LRRC56: variants seen among roughly 807,000 people sequenced by gnomAD.
The protein encoded by LRRC56 is leucine-rich repeat-containing protein 56.
LRRC56 carries 41 observed loss-of-function variants against 47.8 expected under a neutral mutation model. That is an observed-to-expected ratio of 0.86 (90% CI 0.67 to 1.11). The LOEUF (loss-of-function observed/expected upper bound fraction) is 1.11. LRRC56 is among the 50% of genes most tolerant of loss of function. LRRC56 has a pLI of 0.00. For synonymous variants in LRRC56, 387 were observed against 311.2 expected (o/e 1.24, Z -2.56); for missense variants, 759 against 704.2 (o/e 1.08, Z -0.88).
chr11:533,190 G>A (rs957632942), upstream of LRRC56: 18 of 1,225,820 alleles, frequency 1.5e-5, no homozygotes, highest in Admixed American at 1.2e-4. Flanking sequence ...CGCCTTCCCC[G>A]GAGCTGTGTC....
chr11:542,922 G>A (rs1433418458), intron 5 of LRRC56, among the ~76,000 whole-genome samples: 1 of 151,700 alleles, frequency 6.6e-6, no homozygotes, highest in East Asian at 1.9e-4. Context: ...TTGAGATGGA[G>A]TCTCATTCTG....
At chr11:542,589 A>AAAAAAAAAAGAAAAAAAAAAG (rs1851851979) in intron 5 of LRRC56, among the ~76,000 whole-genome samples, 1 of 148,512 alleles carries the variant, frequency 6.7e-6, no homozygotes, top group Non-Finnish European at 1.5e-5. Context: ...GCAAAAAAAA[A>AAAAAAAAAAGAAAAAAAAAAG]AAAAAAAAAA....
the LRRC56 span, among the ~76,000 whole-genome samples, chr11:521,585 G>T: frequency 1.3e-5 from 2 of 152,264 alleles, no homozygotes; most frequent in South Asian, 4.1e-4. Context: ...TAGGATTATA[G>T]GTGTGAGCCC....
intron 1 of LRRC56, among the ~76,000 whole-genome samples, chr11:538,356 G>A (rs1160579506): frequency 1.3e-5 from 2 of 152,230 alleles, no homozygotes; most frequent in African/African-American, 4.8e-5. Context: ...TGGGATGGAG[G>A]TGGCCAGAGT....
At chr11:509,863 C>G in the LRRC56 span, among the ~76,000 whole-genome samples, 3 of 152,022 alleles carry the variant, frequency 2.0e-5, no homozygotes, top group Non-Finnish European at 4.4e-5. Context: ...ACTTACCTGC[C>G]TCACCTCGTT....
At chr11:513,138 G>C in the LRRC56 span, among the ~76,000 whole-genome samples, 1 of 152,226 alleles carries the variant, frequency 6.6e-6, no homozygotes, top group Admixed American at 6.5e-5. Context: ...GCTTCAAGCT[G>C]TTTTGTTTTG....
At chr11:538,325 G>A (rs1851622065) in intron 1 of LRRC56, among the ~76,000 whole-genome samples, 1 of 152,196 alleles carries the variant, frequency 6.6e-6, no homozygotes, top group Non-Finnish European at 1.5e-5. Context: ...CGCCCTCCAT[G>A]AGGCTCGAGG....
At chr11:547,772 C>T (rs1564803191) in intron 6 of LRRC56, among the ~76,000 whole-genome samples, 1 of 152,136 alleles carries the variant, frequency 6.6e-6, no homozygotes, top group Non-Finnish European at 1.5e-5. Context: ...AAATATGATG[C>T]ACTACCTGTA....
chr11:544,575 C>A, intron 5 of LRRC56, 145 bp from the exon 6 acceptor site: 1 of 807,164 alleles, frequency 1.2e-6, no homozygotes, highest in South Asian at 1.5e-5. Context: ...TGCCACGTAA[C>A]CCCTCCTGTG....
the LRRC56 span, chr11:532,355 A>G: frequency 1.8e-6 from 1 of 558,024 alleles, no homozygotes; most frequent in Non-Finnish European, 3.2e-6. Flanking sequence ...TGTTCAAGAC[A>G]GTCTGTGCAC....
At chr11:525,924 G>A in the LRRC56 span, among the ~76,000 whole-genome samples, 6 of 151,542 alleles carry the variant, frequency 4.0e-5, no homozygotes, top group Admixed American at 1.3e-4. Context: ...GGCCAGGCGC[G>A]GTGGCTCACA....
rs187379100 is a variant in LRRC56 at position 548,358 on chromosome 11, A to G, written c.327-1544A>G. 1.8e-4 allele frequency among the ~76,000 whole-genome samples: 27 copies of G among 152,092 alleles called. No individual in the cohort carries two copies. In the East Asian group the frequency reaches 4.8e-3, roughly 27 times the overall value. ...TGCAGTGGTGCGACCATGGCTTACAATAGCCTCGACCTCCTGGGCTCAGGT... is the reference window on the plus strand; with the variant it reads ...TGCAGTGGTGCGACCATGGCTTACAGTAGCCTCGACCTCCTGGGCTCAGGT... On this transcript the variant is annotated intron_variant, in intron 6 of 13. Coordinates refer to ENST00000270115, the MANE Select transcript of LRRC56 (RefSeq NM_198075.4).
At chr11:535,724 G>A (rs912942357), upstream of LRRC56, among the ~76,000 whole-genome samples, 2 of 152,142 alleles carry the variant, frequency 1.3e-5, no homozygotes, top group Admixed American at 1.3e-4. Context: ...AACGCGGGAG[G>A]CGGAGCCAGT....
the LRRC56 span, among the ~76,000 whole-genome samples, chr11:512,570 G>T: frequency 6.6e-6 from 1 of 152,160 alleles, no homozygotes; most frequent in Non-Finnish European, 1.5e-5. Flanking sequence ...TTTACATGGT[G>T]CGAGGAAAGG....
At chr11:536,945 A>G (rs957480633), upstream of LRRC56, 2 of 152,144 alleles carry the variant, frequency 1.3e-5, no homozygotes, top group African/African-American at 2.4e-5. Context: ...GCGGACACGC[A>G]TGAACGCGAG....
At chr11:507,921 A>G in the LRRC56 span, among the ~76,000 whole-genome samples, 1 of 151,878 alleles carries the variant, frequency 6.6e-6, no homozygotes, top group African/African-American at 2.4e-5. Flanking sequence ...TCCTGCGTCC[A>G]CTCTGCTGCC....
rs778991941 is a variant in LRRC56, at chr11:550,095, C to T, written c.447C>T (p.Asn149=). 6.2e-7 allele frequency: 1 copy of T among 1,612,836 alleles called. No individual in the cohort carries two copies. Among genetic ancestry groups the T allele is most frequent in the South Asian group, 1.1e-5 (1 of 91,002 alleles). ...ALKELYASYN[N]ISDLSPLCLL... ...AGGAACTCTACGCCTCCTACAACAACATCTCGGACCTGAGCCCACTGTGCC... is the reference window on the plus strand; with the variant it reads ...AGGAACTCTACGCCTCCTACAACAATATCTCGGACCTGAGCCCACTGTGCC... Residue 149 remains asparagine, a synonymous_variant, in exon 8 of 14, where the codon AAC becomes AAT. Coordinates refer to ENST00000270115, the MANE Select transcript of LRRC56 (RefSeq NM_198075.4).
chr11:554,178 C>T lies in LRRC56; in HGVS notation c.1531C>T (p.Arg511Ter), dbSNP rs1395733477. The T allele has an allele frequency of 1.1e-5, 18 of 1,577,168 alleles. No individual in the cohort carries two copies. The highest frequency in any genetic ancestry group is 1.8e-5 in the Admixed American group (1 of 56,980). The change falls in exon 14 of 14, where the codon CGA becomes TGA. Residue 511 changes from arginine to a stop codon, truncating the protein, a stop_gained. Coordinates refer to ENST00000270115, the MANE Select transcript of LRRC56 (RefSeq NM_198075.4). LOFTEE classifies it low-confidence loss of function (END_TRUNC). ...GGAGGTGGCCTCACGCCTGAGCCCT[C>T]GAGCCCAGGGATGTCCTGGCCCAAA... The part of the protein sequence containing the change: ...ALEVASRLSP[R>*]AQGCPGPKPA...
At chr11:524,693 G>A in the LRRC56 span, among the ~76,000 whole-genome samples, 69 of 152,204 alleles carry the variant, frequency 4.5e-4, no homozygotes, top group African/African-American at 1.6e-3. Flanking sequence ...TTTTCAACAA[G>A]CAGTGTGGGA....
Sources: allele counts gnomAD v4.1 joint callset (sites outside exome capture counted in the v4.1 genomes callset), GRCh38; gene constraint gnomAD v4.1.1; transcripts MANE v1.5; gene names NCBI Gene and HGNC (gene_info 2026-07-23, HGNC 2026-07-21).